ANKRD39: variants seen among roughly 807,000 people sequenced by gnomAD.
ANKRD39 encodes the protein ankyrin repeat domain 39, also known as ankyrin repeat domain-containing protein 39.
A neutral mutation model predicts 20.3 loss-of-function variants in ANKRD39; 18 were observed. The observed-to-expected ratio is 0.89, with a 90% CI of 0.61 to 1.32. ANKRD39 has a LOEUF of 1.32. ANKRD39 is among the 40% of genes most tolerant of loss of function. The pLI is 0.00. For synonymous variants in ANKRD39, 106 were observed against 111.9 expected (o/e 0.95, Z 0.33); for missense variants, 243 against 250.7 (o/e 0.97, Z 0.21).
In ANKRD39 at chr2:96,853,433, C is replaced by T. The variant is rs760813409; in HGVS notation, c.376G>A (p.Val126Met). 1.8e-5 allele frequency: 28 copies of T among 1,590,068 alleles called. No individual in the cohort carries two copies. Among genetic ancestry groups the T allele is most frequent in the African/African-American group, 8.1e-5 (6 of 74,162 alleles). ...AGACTGGTCATGCCGTCGTCATCCA[C>T]CACCCTGGGGTTGGACCCATGTGAT... ...LLSHGSNPRV[V>M]DDDGMTSLHK... Residue 126 changes from valine (V) to methionine (M), a missense_variant, in exon 3 of 4, where the codon GTG becomes ATG. Val to Met is a conservative substitution (Grantham distance 21). Coordinates refer to ENST00000393537, the MANE Select transcript of ANKRD39 (RefSeq NM_016466.6).
intron 3 of ANKRD39, among the ~76,000 whole-genome samples, chr2:96,848,817 A>G (rs987101702): frequency 6.6e-6 from 1 of 151,700 alleles, no homozygotes; most frequent in Non-Finnish European, 1.5e-5. Context: ...CGAGACTCCA[A>G]CTCAAAAAAA....
chr2:96,849,335 T>C (rs1290008457), intron 3 of ANKRD39, among the ~76,000 whole-genome samples: 1 of 152,012 alleles, frequency 6.6e-6, no homozygotes, highest in Non-Finnish European at 1.5e-5. Flanking sequence ...TTTTAAAAAA[T>C]AATTTATTTT....
chr2:96,855,722 CAA>C (rs566045028), intron 1 of ANKRD39, among the ~76,000 whole-genome samples: 31 of 91,324 alleles, frequency 3.4e-4, no homozygotes, highest in Admixed American at 3.8e-4. Context: ...GACTCCGTCT[CAA>C]AAAAAAAAAA....
At chr2:96,852,089 T>C (rs749840136) in intron 3 of ANKRD39, among the ~76,000 whole-genome samples, 9 of 152,056 alleles carry the variant, frequency 5.9e-5, no homozygotes, top group Non-Finnish European at 1.2e-4. Flanking sequence ...CATGCACCTG[T>C]AGTCCCAGCT....
intron 1 of ANKRD39, among the ~76,000 whole-genome samples, chr2:96,856,468 C>CAAAA (rs56306893): frequency 1.4e-5 from 1 of 70,684 alleles, no homozygotes; most frequent in Non-Finnish European, 3.2e-5. Context: ...GACTCCATCT[C>CAAAA]AAAAAAAAAA....
At chr2:96,849,591 A>G (rs956872128) in intron 3 of ANKRD39, among the ~76,000 whole-genome samples, 3 of 152,110 alleles carry the variant, frequency 2.0e-5, no homozygotes, top group Admixed American at 1.3e-4. Flanking sequence ...CAGAGGTTGC[A>G]GTGAGCCGAG....
chr2:96,850,087 C>T (rs921251547), intron 3 of ANKRD39, among the ~76,000 whole-genome samples: 11 of 152,236 alleles, frequency 7.2e-5, no homozygotes, highest in Admixed American at 5.2e-4. Context: ...TTTGCCTGAA[C>T]TCTTATTAAC....
Position 96,848,037 on chromosome 2 carries a change from G to T in ANKRD39, c.*264C>A. 3.1e-6 allele frequency: 1 copy of T among 327,038 alleles called. No homozygotes were observed. Among genetic ancestry groups the T allele is most frequent in the Non-Finnish European group, 5.6e-6 (1 of 178,692 alleles). The allele number at this position is 327,038 out of a possible 1,614,324, so 20.3% of individuals were successfully genotyped here. A position where few individuals can be genotyped will look rare whatever the true frequency, so the allele number is the denominator to read the frequency against. ...ATCTTGCAATTTATCTTTGGGTGTG[G>T]GATGAGGTAAGGATATAACTTTATT... On this transcript the variant is annotated 3_prime_UTR_variant, in exon 4 of 4. Transcript: ENST00000393537.
chr2:96,855,586 G>A (rs903588176), intron 1 of ANKRD39, among the ~76,000 whole-genome samples: 3 of 152,038 alleles, frequency 2.0e-5, no homozygotes, highest in Admixed American at 1.3e-4. Flanking sequence ...AGCTGGGCTT[G>A]GTGGCACGCG....
In ANKRD39 at chr2:96,857,945, G is replaced by A. The variant is rs1168023335; in HGVS notation, c.43C>T (p.His15Tyr). 1.9e-6 allele frequency: 3 copies of A among 1,579,052 alleles called. No homozygotes were observed. The highest frequency in any genetic ancestry group is 1.1e-5 in the South Asian group (1 of 87,298). Reference protein sequence around the residue: ...RPCADGPCCSHPSAVLGVQQT... With the variant: ...RPCADGPCCSYPSAVLGVQQT... Reference sequence around the variant, plus strand: ...TGTACGCCGAGCACCGCGCTGGGATGCGAGCAGCAGGGCCCGTCCGCGCAG... The same window carrying A: ...TGTACGCCGAGCACCGCGCTGGGATACGAGCAGCAGGGCCCGTCCGCGCAG... Residue 15 changes from histidine (H) to tyrosine (Y), a missense_variant, in exon 1 of 4, where the codon CAT (histidine) becomes TAT (tyrosine). Coordinates refer to ENST00000393537, the MANE Select transcript of ANKRD39 (RefSeq NM_016466.6).
intron 3 of ANKRD39, among the ~76,000 whole-genome samples, chr2:96,852,029 C>T (rs2079840408): frequency 6.6e-6 from 1 of 151,840 alleles, no homozygotes; most frequent in Admixed American, 6.6e-5. Flanking sequence ...TTTTAAAAGC[C>T]TGGGCAATGT....
At position 96,848,174 on chromosome 2, in the gene ANKRD39, A is replaced by G; in HGVS notation, c.*127T>C. The G allele has an allele frequency of 7.5e-7, 1 of 1,325,822 alleles. No individual in the cohort carries two copies. The highest frequency in any genetic ancestry group is 2.4e-5 in the East Asian group (1 of 42,296). The allele number at this position is 1,325,822 out of a possible 1,614,324, so 82.1% of individuals were successfully genotyped here. A position where few individuals can be genotyped will look rare whatever the true frequency, so the allele number is the denominator to read the frequency against. ...CTACTCCCTCGCTTCCACAGTGACC[A>G]GACTGGGGCTCTTCCTGGGTGGTCT... On this transcript the variant is annotated 3_prime_UTR_variant, in exon 4 of 4. Coordinates refer to ENST00000393537, the MANE Select transcript of ANKRD39 (RefSeq NM_016466.6).
rs2079875024 is a variant in ANKRD39, at chr2:96,857,962, T to C, written c.26A>G (p.Asp9Gly). The change falls in exon 1 of 4, where the codon GAC becomes GGC. Residue 9 changes from aspartate (D) to glycine (G), a missense_variant. Asp to Gly is a moderately conservative substitution (Grantham distance 94, BLOSUM62 -1). Transcript: ENST00000393537. ...GCTGGGATGCGAGCAGCAGGGCCCGTCCGCGCAGGGCCGAGGCGTCGCCAT... is the reference window on the plus strand; with the variant it reads ...GCTGGGATGCGAGCAGCAGGGCCCGCCCGCGCAGGGCCGAGGCGTCGCCAT... MATPRPCA[D>G]GPCCSHPSAV... 3 of 1,564,062 alleles carry C rather than the reference T, an allele frequency of 1.9e-6. No homozygotes were observed. Among genetic ancestry groups the C allele is most frequent in the Admixed American group, 1.8e-5 (1 of 54,436 alleles).
chr2:96,848,259 G>C lies in ANKRD39; in HGVS notation c.*42C>G. ...ACCAAGGCAGGGGCTTGGAGAACTGGTCTGTGTACCCTTTAAAGGCAGCTG... is the reference window on the plus strand; with the variant it reads ...ACCAAGGCAGGGGCTTGGAGAACTGCTCTGTGTACCCTTTAAAGGCAGCTG... On this transcript the variant is annotated 3_prime_UTR_variant, in exon 4 of 4. Coordinates refer to ENST00000393537, the MANE Select transcript of ANKRD39 (RefSeq NM_016466.6). The C allele has an allele frequency of 6.2e-7, 1 of 1,610,134 alleles. No individual in the cohort carries two copies. Among genetic ancestry groups the C allele is most frequent in the Non-Finnish European group, 8.5e-7 (1 of 1,177,878 alleles).
At chr2:96,850,046 C>A (rs1466078644) in intron 3 of ANKRD39, among the ~76,000 whole-genome samples, 1 of 152,236 alleles carries the variant, frequency 6.6e-6, no homozygotes, top group Non-Finnish European at 1.5e-5. Flanking sequence ...AGTCACAGGG[C>A]TAACGTGTCC....
intron 1 of ANKRD39, among the ~76,000 whole-genome samples, chr2:96,855,871 T>C (rs900021797): frequency 2.6e-5 from 4 of 152,086 alleles, no homozygotes; most frequent in Non-Finnish European, 5.9e-5. Flanking sequence ...TCCCAGCTAC[T>C]TGGGAGGCTG....
At chr2:96,851,383 C>T (rs192726353) in intron 3 of ANKRD39, among the ~76,000 whole-genome samples, 167 of 152,028 alleles carry the variant, frequency 1.1e-3, no homozygotes, top group Non-Finnish European at 1.9e-3. Flanking sequence ...CTTGAACTCC[C>T]GACCTCACGT....
Position 96,848,436 on chromosome 2 carries a change from C to G in ANKRD39, c.417G>C (p.Glu139Asp). ...DGMTSLHKAA[E>D]RGHGDICSLL... ...GGGAGCAGATGTCCCCGTGACCCCTCTCAGCAGCCTGTGGAGAGAAAGGCT... is the reference window on the plus strand; with the variant it reads ...GGGAGCAGATGTCCCCGTGACCCCTGTCAGCAGCCTGTGGAGAGAAAGGCT... The change falls in exon 4 of 4, where the codon GAG becomes GAC. Residue 139 changes from glutamate (E) to aspartate (D), a missense_variant. By Grantham distance (45) the Glu-to-Asp change is conservative. Coordinates refer to ENST00000393537, the MANE Select transcript of ANKRD39 (RefSeq NM_016466.6). 2.5e-6 allele frequency: 4 copies of G among 1,614,062 alleles called. No individual in the cohort carries two copies. Among genetic ancestry groups the G allele is most frequent in the Non-Finnish European group, 3.4e-6 (4 of 1,179,958 alleles).
chr2:96,852,622 C>T (rs192882732), intron 3 of ANKRD39, among the ~76,000 whole-genome samples: 142 of 151,558 alleles, frequency 9.4e-4, no homozygotes, highest in African/African-American at 3.0e-3. Flanking sequence ...CAAGTGGGGG[C>T]GTGGCATGAT....
Sources: allele counts gnomAD v4.1 joint callset (sites outside exome capture counted in the v4.1 genomes callset), GRCh38; gene constraint gnomAD v4.1.1; transcripts MANE v1.5; gene names NCBI Gene and HGNC (gene_info 2026-07-23, HGNC 2026-07-21).